Variants in MFSD8 observed in about 807,000 individuals in gnomAD.
MFSD8 encodes the protein major facilitator superfamily domain-containing protein 8.
MFSD8 carries 55 observed loss-of-function variants against 66.4 expected under a neutral mutation model. That is an observed-to-expected ratio of 0.83 (90% CI 0.67 to 1.04). The LOEUF (loss-of-function observed/expected upper bound fraction) is 1.04, where lower values mean the gene tolerates loss of function less well. Among genes scored for constraint, MFSD8 ranks in the 50% least tolerant of loss-of-function variants. The pLI is 0.00. For synonymous variants in MFSD8, 202 were observed against 212.8 expected, an observed-to-expected ratio of 0.95 and a Z score of 0.44; for missense variants, 550 against 627.6, an observed-to-expected ratio of 0.88 and a Z score of 1.32.
chr4:127,938,480 G>A (rs1232184056), intron 7 of MFSD8, among the ~76,000 whole-genome samples: 1 of 151,778 alleles, frequency 6.6e-6, no homozygotes. Context: ...CTACTCAGGA[G>A]GCTGAGGCAG....
intron 7 of MFSD8, among the ~76,000 whole-genome samples, chr4:127,937,742 A>G (rs1231230985): frequency 6.6e-6 from 1 of 152,206 alleles, no homozygotes; most frequent in Non-Finnish European, 1.5e-5. Context: ...CATGGAATCA[A>G]TGTCAAACTT....
At chr4:127,937,762 C>T (rs1453841926) in intron 7 of MFSD8, among the ~76,000 whole-genome samples, 1 of 152,126 alleles carries the variant, frequency 6.6e-6, no homozygotes, top group Non-Finnish European at 1.5e-5. Context: ...TCTCCTAGTT[C>T]AAAAACTTAC....
At chr4:127,961,431 G>A (rs1459290075) in intron 1 of MFSD8, among the ~76,000 whole-genome samples, 1 of 152,030 alleles carries the variant, frequency 6.6e-6, no homozygotes, top group East Asian at 1.9e-4. Flanking sequence ...TTTTGTACAA[G>A]GTGACAGAAT....
At chr4:127,929,915 C>T (rs917446038) in intron 9 of MFSD8, among the ~76,000 whole-genome samples, 2 of 152,076 alleles carry the variant, frequency 1.3e-5, no homozygotes, top group Admixed American at 6.6e-5. Context: ...ATCACTCATA[C>T]CCCAAACATA....
intron 1 of MFSD8, among the ~76,000 whole-genome samples, chr4:127,961,432 G>A (rs1743720463): frequency 6.6e-6 from 1 of 152,012 alleles, no homozygotes; most frequent in Non-Finnish European, 1.5e-5. Context: ...TTTGTACAAG[G>A]TGACAGAATG....
intron 7 of MFSD8, among the ~76,000 whole-genome samples, chr4:127,938,374 G>C (rs1578878129): frequency 6.6e-6 from 1 of 151,922 alleles, no homozygotes; most frequent in Admixed American, 6.6e-5. Flanking sequence ...ACAAGGTCAG[G>C]AGATCGAGAC....
intron 2 of MFSD8, 113 bp from the exon 3 acceptor site, chr4:127,949,960 G>A: frequency 7.4e-6 from 6 of 805,998 alleles, no homozygotes; most frequent in Non-Finnish European, 1.2e-5. Flanking sequence ...TAAAATCTAT[G>A]CATACAAATG....
intron 9 of MFSD8, among the ~76,000 whole-genome samples, chr4:127,929,049 C>T (rs1472651306): frequency 6.6e-6 from 1 of 151,864 alleles, no homozygotes; most frequent in Non-Finnish European, 1.5e-5. Flanking sequence ...AGGTCGGCAG[C>T]GGTGGTTCAC....
chr4:127,948,249 T>C lies in MFSD8; in HGVS notation c.198+1555A>G, dbSNP rs1339177899. Among the ~76,000 whole-genome samples, 5 of 152,108 alleles carry C rather than the reference T, an allele frequency of 3.3e-5. No individual in the cohort carries two copies. In the East Asian group the frequency reaches 9.7e-4, roughly 29 times the overall value. On this transcript the variant is annotated intron_variant, in intron 3 of 11. Coordinates refer to ENST00000641686, the MANE Select transcript of MFSD8 (RefSeq NM_001371596.2). ...GATGGTCAGGCGGTTGTTAACGCTC[T>C]CTAAAGTAATTATTGGTCACAGCTA... is the stretch of plus-strand genomic sequence containing the variant.
intron 4 of MFSD8, chr4:127,943,267 T>G (rs1740501647): frequency 1.1e-5 from 2 of 177,410 alleles, no homozygotes; most frequent in Admixed American, 5.6e-5. Context: ...ATAGAAACAG[T>G]ACAATACTAT....
chr4:127,940,538 A>ATG (rs1553949829), intron 5 of MFSD8, among the ~76,000 whole-genome samples: 1,802 of 140,554 alleles, frequency 0.013, 36 homozygotes, highest in African/African-American at 0.046. Context: ...ATATATATAT[A>ATG]TGTGTGTGTG....
rs1743104199 is a variant in MFSD8 at position 127,957,607 on chromosome 4, G to A, written c.63-15C>T. ...TGTCCCATTCTCTAGGTGTAAAGAA[G>A]AAAAAAGTAGTATAAATTTATCTCA... is the stretch of plus-strand genomic sequence containing the variant. On this transcript the variant is annotated splice_polypyrimidine_tract_variant and intron_variant, in intron 1 of 11. Coordinates refer to ENST00000641686, the MANE Select transcript of MFSD8 (RefSeq NM_001371596.2). 6.5e-7 allele frequency: 1 copy of A among 1,533,780 alleles called. No homozygotes were observed. Among genetic ancestry groups the A allele is most frequent in the Non-Finnish European group, 9.0e-7 (1 of 1,110,928 alleles).
chr4:127,964,959 G>A (rs1182078285), intron 1 of MFSD8, 113 bp downstream of exon 1: 1 of 1,311,320 alleles, frequency 7.6e-7, no homozygotes, highest in East Asian at 2.5e-5. Context: ...GGCTCCCACC[G>A]CGCTGGAACC....
intron 2 of MFSD8, among the ~76,000 whole-genome samples, chr4:127,951,298 CG>C (rs1741915956): frequency 6.6e-6 from 1 of 152,016 alleles, no homozygotes; most frequent in Admixed American, 6.6e-5. Flanking sequence ...GACCCGATCT[CG>C]GCTCACTGCA....
At chr4:127,941,529 C>T (rs1445590733) in intron 5 of MFSD8, among the ~76,000 whole-genome samples, 1 of 152,110 alleles carries the variant, frequency 6.6e-6, no homozygotes, top group Non-Finnish European at 1.5e-5. Flanking sequence ...ATGATGTGAT[C>T]TCAGCTCACT....
chr4:127,962,418 A>G (rs1291923612), intron 1 of MFSD8, among the ~76,000 whole-genome samples: 1 of 152,168 alleles, frequency 6.6e-6, no homozygotes, highest in Non-Finnish European at 1.5e-5. Flanking sequence ...CAGTGAGCCA[A>G]AATCGCACCA....
At chr4:127,941,931 C>T in intron 5 of MFSD8, 114 bp downstream of exon 5, 2 of 826,180 alleles carry the variant, frequency 2.4e-6, no homozygotes, top group Non-Finnish European at 2.0e-6. Context: ...AAAAAATTAG[C>T]TTTCCTCCCT....
chr4:127,929,555 T>C (rs1236748379), intron 9 of MFSD8, among the ~76,000 whole-genome samples: 1 of 148,394 alleles, frequency 6.7e-6, no homozygotes, highest in African/African-American at 2.5e-5. Context: ...TCCACTCCAC[T>C]CCATTCTGGG....
intron 9 of MFSD8, among the ~76,000 whole-genome samples, chr4:127,929,580 G>A (rs910110679): frequency 4.7e-5 from 7 of 150,514 alleles, no homozygotes; most frequent in African/African-American, 2.4e-5. Context: ...AGAGTGAGAC[G>A]CCATCTTTTA....
Sources: gnomAD v4.1 joint callset for allele counts (sites outside exome capture counted in the v4.1 genomes callset) on GRCh38, gnomAD v4.1.1 for gene constraint, MANE v1.5 for transcripts, NCBI Gene and HGNC (gene_info 2026-07-23, HGNC 2026-07-21) for gene names.